Variants in CCSER1 observed in about 807,000 individuals in gnomAD.
The protein encoded by CCSER1 is serine-rich coiled-coil domain-containing protein 1.
Under a neutral mutation model 82.0 loss-of-function variants are expected in CCSER1, and 41 were observed. The observed-to-expected ratio is 0.50, with a 90% CI of 0.39 to 0.65. The LOEUF (loss-of-function observed/expected upper bound fraction) is 0.65. CCSER1 is among the 30% of genes least tolerant of loss of function. The pLI is 0.00. For synonymous variants in CCSER1, 414 were observed against 383.9 expected (o/e 1.08, Z -0.92); for missense variants, 1,119 against 1,064.2 (o/e 1.05, Z -0.72).
chr4:91,472,189 G>T (rs1370433609), intron 10 of CCSER1, among the ~76,000 whole-genome samples: 1 of 152,026 alleles, frequency 6.6e-6, no homozygotes, highest in East Asian at 1.9e-4. Flanking sequence ...TTGCCAACTG[G>T]TGAGCTTTCA....
intron 10 of CCSER1, among the ~76,000 whole-genome samples, chr4:91,543,142 T>C (rs1228350930): frequency 1.3e-5 from 2 of 152,196 alleles, no homozygotes. Flanking sequence ...TTTTTTGTTT[T>C]CCATTTGCTT....
chr4:91,160,672 C>T (rs769979782), intron 10 of CCSER1, among the ~76,000 whole-genome samples: 4 of 152,098 alleles, frequency 2.6e-5, no homozygotes, highest in South Asian at 2.1e-4. Context: ...TTTCATATGT[C>T]GATTGGCTGC....
intron 1 of CCSER1, among the ~76,000 whole-genome samples, chr4:90,258,903 G>T (rs1723826892): frequency 6.6e-6 from 1 of 152,112 alleles, no homozygotes; most frequent in Admixed American, 6.6e-5. Context: ...ATAATTTGAA[G>T]TCTGGCAATG....
chr4:90,353,522 A>G (rs1743875102), intron 3 of CCSER1, among the ~76,000 whole-genome samples: 1 of 152,182 alleles, frequency 6.6e-6, no homozygotes, highest in Non-Finnish European at 1.5e-5. Context: ...GAAAATTCTT[A>G]AAGATGGTAA....
At chr4:91,309,767 T>C (rs748400012) in intron 10 of CCSER1, among the ~76,000 whole-genome samples, 1 of 152,006 alleles carries the variant, frequency 6.6e-6, no homozygotes, top group Non-Finnish European at 1.5e-5. Context: ...ATTTAATTTT[T>C]TCCTTAGGTT....
intron 5 of CCSER1, among the ~76,000 whole-genome samples, chr4:90,547,262 A>C (rs900979269): frequency 2.6e-5 from 4 of 152,004 alleles, no homozygotes; most frequent in African/African-American, 9.7e-5. Flanking sequence ...AAAGGTGAAG[A>C]ATAGTTGTGT....
intron 10 of CCSER1, among the ~76,000 whole-genome samples, chr4:91,413,595 A>T (rs763131725): frequency 6.6e-6 from 1 of 152,140 alleles, no homozygotes; most frequent in Non-Finnish European, 1.5e-5. Context: ...AATTAAGAGC[A>T]TCCTAGAAGG....
intron 10 of CCSER1, among the ~76,000 whole-genome samples, chr4:91,200,955 G>A (rs1160104220): frequency 6.6e-6 from 1 of 151,762 alleles, no homozygotes; most frequent in Non-Finnish European, 1.5e-5. Flanking sequence ...AATCTCTCAG[G>A]TATTTAGAAA....
intron 9 of CCSER1, among the ~76,000 whole-genome samples, chr4:90,947,552 ACTGAATTGC>A (rs1732405187): frequency 1.3e-5 from 2 of 152,138 alleles, no homozygotes; most frequent in Admixed American, 1.3e-4. Context: ...TGCATTATCT[ACTGAATTGC>A]CTGGAACTTG....
At chr4:91,408,392 A>ATGAGAT (rs1578386051) in intron 10 of CCSER1, among the ~76,000 whole-genome samples, 2 of 152,346 alleles carry the variant, frequency 1.3e-5, no homozygotes. Flanking sequence ...ATGCAAGATT[A>ATGAGAT]AATTGTTATC....
At chr4:91,539,354 C>T (rs999934422) in intron 10 of CCSER1, among the ~76,000 whole-genome samples, 28 of 152,004 alleles carry the variant, frequency 1.8e-4, no homozygotes, top group East Asian at 3.9e-4. Flanking sequence ...TCCCTTCTGA[C>T]GCTTAAACTT....
At position 91,012,032 on chromosome 4, in the gene CCSER1, C is replaced by T. The variant is rs896320509; in HGVS notation, c.2173-73918C>T. 1.5e-5 allele frequency among the ~76,000 whole-genome samples: 2 copies of T among 134,776 alleles called. 1 individual carries two copies. Among genetic ancestry groups the T allele is most frequent in the Admixed American group, 1.5e-4 (2 of 13,678 alleles). 88.4% of individuals were successfully genotyped at this position (134,776 alleles called of 152,430 possible). A position where few individuals can be genotyped will look rare whatever the true frequency, so the allele number is the denominator to read the frequency against. On this transcript the variant is annotated intron_variant, in intron 9 of 10. Transcript: ENST00000509176. ...GTAAGGTGTCTCAGCTCAGCCACTG[C>T]TCTTTTCCTGGGAAATAGGCTTCCC... is the stretch of plus-strand genomic sequence containing the variant.
At chr4:90,956,627 A>T (rs368493272) in intron 9 of CCSER1, among the ~76,000 whole-genome samples, 18 of 152,154 alleles carry the variant, frequency 1.2e-4, no homozygotes, top group Admixed American at 5.2e-4. Flanking sequence ...TTTCAAAATT[A>T]GGTTTCTTAT....
chr4:91,251,985 G>A (rs1416869738), intron 10 of CCSER1, among the ~76,000 whole-genome samples: 1 of 152,076 alleles, frequency 6.6e-6, no homozygotes, highest in African/African-American at 2.4e-5. Context: ...AACCATCCAA[G>A]AAGCTCAATA....
chr4:91,271,374 G>A (rs1742010378), intron 10 of CCSER1, among the ~76,000 whole-genome samples: 1 of 152,018 alleles, frequency 6.6e-6, no homozygotes, highest in African/African-American at 2.4e-5. Flanking sequence ...CACCCAAGCA[G>A]TTTACACTGC....
At chr4:90,686,033 AT>A (rs1734761834) in intron 6 of CCSER1, among the ~76,000 whole-genome samples, 1 of 152,116 alleles carries the variant, frequency 6.6e-6, no homozygotes, top group African/African-American at 2.4e-5. Flanking sequence ...TGGTTTAATT[AT>A]GGGATCTTAC....
At chr4:91,405,229 T>C (rs1752621318) in intron 10 of CCSER1, among the ~76,000 whole-genome samples, 1 of 152,164 alleles carries the variant, frequency 6.6e-6, no homozygotes, top group South Asian at 2.1e-4. Context: ...CCTGGTTTTT[T>C]TTTTTGTTTT....
chr4:91,447,807 A>G (rs114153629), intron 10 of CCSER1, among the ~76,000 whole-genome samples: 4 of 152,118 alleles, frequency 2.6e-5, no homozygotes, highest in Non-Finnish European at 5.9e-5. Flanking sequence ...AGTACTTATC[A>G]TAGTGAAATA....
intron 9 of CCSER1, among the ~76,000 whole-genome samples, chr4:91,000,967 A>G (rs1306898805): frequency 6.6e-6 from 1 of 152,108 alleles, no homozygotes; most frequent in East Asian, 1.9e-4. Context: ...ATGTTTAATA[A>G]GGGGTGCTGA....
Sources: gnomAD v4.1 joint callset for allele counts (sites outside exome capture counted in the v4.1 genomes callset) on GRCh38, gnomAD v4.1.1 for gene constraint, MANE v1.5 for transcripts, NCBI Gene and HGNC (gene_info 2026-07-23, HGNC 2026-07-21) for gene names.